Variants in UBAP2 observed in about 807,000 individuals in gnomAD.
UBAP2 encodes the protein ubiquitin-associated protein 2.
UBAP2 carries 75 observed loss-of-function variants against 139.6 expected under a neutral mutation model. The observed-to-expected ratio is 0.54, with a 90% confidence interval of 0.45 to 0.65. UBAP2 has a LOEUF of 0.65. Among genes scored for constraint, UBAP2 ranks in the 30% least tolerant of loss-of-function variants. The pLI is 0.00. For synonymous variants in UBAP2, 526 were observed against 526.2 expected (o/e 1.00, Z 0.01); for missense variants, 1,368 against 1,369.6 (o/e 1.00, Z 0.02).
At chr9:33,930,725 G>A (rs764492254) in intron 19 of UBAP2, among the ~76,000 whole-genome samples, 121 of 151,812 alleles carry the variant, frequency 8.0e-4, no homozygotes, top group Non-Finnish European at 1.9e-4. Flanking sequence ...GTGAAATCCC[G>A]TCTCTACTAA....
chr9:34,028,852 A>T (rs1030272551), intron 1 of UBAP2, among the ~76,000 whole-genome samples: 3 of 152,088 alleles, frequency 2.0e-5, no homozygotes, highest in Non-Finnish European at 2.9e-5. Flanking sequence ...GGGATCCCCA[A>T]TCCCCAACTC....
chr9:34,002,351 C>T (rs1454285555), intron 2 of UBAP2, among the ~76,000 whole-genome samples: 1 of 149,386 alleles, frequency 6.7e-6, no homozygotes, highest in African/African-American at 2.5e-5. Flanking sequence ...ACGTTTAATG[C>T]TACATGACAA....
chr9:33,959,686 T>C (rs753523901), intron 10 of UBAP2, among the ~76,000 whole-genome samples: 3 of 152,164 alleles, frequency 2.0e-5, no homozygotes, highest in Non-Finnish European at 4.4e-5. Flanking sequence ...TGCTCAAAAA[T>C]ATCTGTGCAA....
chr9:33,962,394 T>A (rs1827115761), intron 9 of UBAP2, among the ~76,000 whole-genome samples: 1 of 152,092 alleles, frequency 6.6e-6, no homozygotes, highest in Non-Finnish European at 1.5e-5. Context: ...ATGCCTGTAA[T>A]CCCAGCACTT....
intron 10 of UBAP2, among the ~76,000 whole-genome samples, 200 bp downstream of exon 10, chr9:33,960,626 C>T (rs954031674): frequency 2.0e-5 from 3 of 151,508 alleles, no homozygotes; most frequent in Admixed American, 1.3e-4. Context: ...AAAAAAAATA[C>T]AAAATTAGCC....
chr9:34,020,063 A>G (rs923814695), intron 1 of UBAP2, among the ~76,000 whole-genome samples: 1 of 148,432 alleles, frequency 6.7e-6, no homozygotes, highest in African/African-American at 2.4e-5. Context: ...GGGAGGCTGA[A>G]GCAGGATAAT....
intron 24 of UBAP2, 141 bp from the exon 25 acceptor site, chr9:33,923,619 G>T: frequency 9.5e-7 from 1 of 1,050,768 alleles, no homozygotes; most frequent in Non-Finnish European, 1.5e-6. Flanking sequence ...AACACATGCT[G>T]GATCTAAACA....
intron 2 of UBAP2, among the ~76,000 whole-genome samples, chr9:34,015,483 C>T (rs1824169617): frequency 1.6e-5 from 1 of 64,510 alleles, no homozygotes. Flanking sequence ...CCATGCCTGG[C>T]TAATTTTCGT....
At chr9:33,990,273 T>C (rs72727393) in intron 4 of UBAP2, among the ~76,000 whole-genome samples, 20,007 of 152,204 alleles carry the variant, frequency 0.13, 1,577 homozygotes, top group South Asian at 0.33. Flanking sequence ...TTAAAAATCT[T>C]ACAGAAAAAC....
At chr9:33,954,961 T>C (rs1826426000) in intron 11 of UBAP2, among the ~76,000 whole-genome samples, 1 of 152,150 alleles carries the variant, frequency 6.6e-6, no homozygotes, top group Non-Finnish European at 1.5e-5. Flanking sequence ...TCAAAGGTGT[T>C]TAGTGTGAAA....
At chr9:34,001,235 G>A (rs2131202533) in intron 2 of UBAP2, among the ~76,000 whole-genome samples, 1 of 152,302 alleles carries the variant, frequency 6.6e-6, no homozygotes, top group South Asian at 2.1e-4. Flanking sequence ...AGTAAAAAAG[G>A]TTTTATTTAG....
In UBAP2 at chr9:33,932,365, A is replaced by C. The variant is rs79077779; in HGVS notation, c.2175+197T>G. ...AGCAATGATTCTTCCCAGGCGCTACAAACTTAGAAAGCAAGATGTCCCCAG... is the reference window on the plus strand; with the variant it reads ...AGCAATGATTCTTCCCAGGCGCTACCAACTTAGAAAGCAAGATGTCCCCAG... On this transcript the variant is annotated intron_variant, in intron 19 of 28. Coordinates refer to ENST00000379238, the MANE Select transcript of UBAP2 (RefSeq NM_001370062.2). Among the ~76,000 whole-genome samples the C allele has an allele frequency of 3.9e-3, 589 of 152,308 alleles. 3 individuals carry two copies. The highest frequency in any genetic ancestry group is 0.013 in the African/African-American group (551 of 41,568).
At chr9:33,965,763 T>A (rs1462519415) in intron 8 of UBAP2, among the ~76,000 whole-genome samples, 2 of 152,032 alleles carry the variant, frequency 1.3e-5, no homozygotes, top group Non-Finnish European at 2.9e-5. Context: ...AATCAGGGAG[T>A]GTGGGCCGGG....
At chr9:33,998,914 T>A in intron 2 of UBAP2, 50 bp from the exon 3 acceptor site, 1 of 1,518,794 alleles carries the variant, frequency 6.6e-7, no homozygotes, top group Middle Eastern at 1.7e-4. Context: ...AAGCATAAGT[T>A]AGATTCCAAA....
intron 6 of UBAP2, among the ~76,000 whole-genome samples, chr9:33,977,719 G>A (rs371122770): frequency 1.5e-4 from 23 of 151,632 alleles, no homozygotes; most frequent in Admixed American, 4.6e-4. Context: ...CTGGAGTGCA[G>A]TGGCGTAATC....
chr9:34,002,537 C>G (rs1456654843), intron 2 of UBAP2, among the ~76,000 whole-genome samples: 1 of 152,070 alleles, frequency 6.6e-6, no homozygotes, highest in Non-Finnish European at 1.5e-5. Context: ...GCCACCACGC[C>G]TGGCTAATTT....
chr9:33,960,287 A>C (rs940875596), intron 10 of UBAP2, among the ~76,000 whole-genome samples: 1 of 152,044 alleles, frequency 6.6e-6, no homozygotes, highest in Non-Finnish European at 1.5e-5. Flanking sequence ...CATCTTGACA[A>C]TTGGTCATTT....
chr9:34,032,270 A>G (rs1443109421), intron 1 of UBAP2, among the ~76,000 whole-genome samples: 3 of 152,210 alleles, frequency 2.0e-5, no homozygotes, highest in Non-Finnish European at 1.5e-5. Context: ...CTCTCTTGAA[A>G]GGATGAAAGT....
At chr9:34,039,714 C>T (rs1473910643) in intron 1 of UBAP2, among the ~76,000 whole-genome samples, 1 of 151,760 alleles carries the variant, frequency 6.6e-6, no homozygotes, top group South Asian at 2.1e-4. Flanking sequence ...TGCAGAAGGC[C>T]GCAGGGACCT....
Sources: gnomAD v4.1 joint callset for allele counts (sites outside exome capture counted in the v4.1 genomes callset) on GRCh38, gnomAD v4.1.1 for gene constraint, MANE v1.5 for transcripts, NCBI Gene and HGNC (gene_info 2026-07-23, HGNC 2026-07-21) for gene names.